JMJD1C: variants seen among roughly 807,000 people sequenced by gnomAD.
The protein encoded by JMJD1C is jumonji domain containing 1C, also known as jumonji domain-containing protein 1C.
In JMJD1C, 31 loss-of-function variants were observed where a neutral mutation model predicts 245.3. That is an observed-to-expected ratio of 0.13 (90% CI 0.09 to 0.17). The LOEUF (loss-of-function observed/expected upper bound fraction) is 0.17, where lower values mean the gene tolerates loss of function less well. JMJD1C is among the 10% of genes least tolerant of loss of function. The probability of loss-of-function intolerance (pLI) is 1.00; values close to 1 mark genes in which losing one functional copy is unlikely to be tolerated. For synonymous variants in JMJD1C, 1,057 were observed against 1,017.4 expected (o/e 1.04, Z -0.74); for missense variants, 2,691 against 3,000.2 (o/e 0.90, Z 2.41).
At chr10:63,302,815 A>G (rs1288898069) in intron 2 of JMJD1C, among the ~76,000 whole-genome samples, 1 of 152,258 alleles carries the variant, frequency 6.6e-6, no homozygotes, top group Non-Finnish European at 1.5e-5. Context: ...CTTAAAAAGT[A>G]GATTCAAGTC....
intron 1 of JMJD1C, among the ~76,000 whole-genome samples, chr10:63,475,720 C>T (rs568120158): frequency 1.5e-4 from 23 of 152,200 alleles, no homozygotes; most frequent in Non-Finnish European, 3.1e-4. Context: ...CCCACCACAA[C>T]AACACAAACT....
chr10:63,392,548 C>CG (rs1205103593), intron 1 of JMJD1C, among the ~76,000 whole-genome samples: 2 of 151,892 alleles, frequency 1.3e-5, no homozygotes, highest in African/African-American at 4.8e-5. Flanking sequence ...GGCAAAAGGC[C>CG]GGGCATGGTG....
At chr10:63,184,821 A>T (rs1260816267) in intron 20 of JMJD1C, 83 bp from the exon 21 acceptor site, 3 of 1,291,696 alleles carry the variant, frequency 2.3e-6, no homozygotes, top group African/African-American at 3.0e-5. Context: ...CAAGTTGTTC[A>T]AAACAGCAGA....
At chr10:63,222,292 G>C (rs1025658930) in intron 3 of JMJD1C, 1 of 1,232,706 alleles carries the variant, frequency 8.1e-7, no homozygotes, top group African/African-American at 1.5e-5. Flanking sequence ...GTGTTAAAAA[G>C]TTTATGATTA....
chr10:63,451,023 A>G (rs1329541343), intron 1 of JMJD1C, among the ~76,000 whole-genome samples: 2 of 152,202 alleles, frequency 1.3e-5, no homozygotes, highest in Admixed American at 6.5e-5. Context: ...TCAACAATGG[A>G]CAATCTGAAA....
At chr10:63,362,100 T>C (rs1945411484) in intron 2 of JMJD1C, among the ~76,000 whole-genome samples, 3 of 152,088 alleles carry the variant, frequency 2.0e-5, no homozygotes, top group Non-Finnish European at 2.9e-5. Context: ...CCGGGCATAG[T>C]GGCACATGTC....
At chr10:63,331,429 T>A (rs765054869) in intron 2 of JMJD1C, among the ~76,000 whole-genome samples, 2 of 152,228 alleles carry the variant, frequency 1.3e-5, no homozygotes. Flanking sequence ...TTCGCTTACA[T>A]GGTTTTTCAT....
intron 2 of JMJD1C, among the ~76,000 whole-genome samples, chr10:63,267,124 A>G (rs1589337622): frequency 6.6e-6 from 1 of 152,332 alleles, no homozygotes; most frequent in East Asian, 1.9e-4. Context: ...ATCATTTACA[A>G]GTGGAAGTCC....
chr10:63,310,208 T>A (rs999269733), intron 2 of JMJD1C, among the ~76,000 whole-genome samples: 1 of 152,136 alleles, frequency 6.6e-6, no homozygotes, highest in African/African-American at 2.4e-5. Context: ...ATGATTACAG[T>A]AAACAGACAT....
intron 1 of JMJD1C, among the ~76,000 whole-genome samples, chr10:63,483,264 T>G (rs890000072): frequency 5.3e-5 from 8 of 152,188 alleles, no homozygotes. Context: ...GTATGATAGA[T>G]TAAAACAATC....
intron 1 of JMJD1C, among the ~76,000 whole-genome samples, chr10:63,457,333 G>A (rs1429255985): frequency 2.0e-5 from 3 of 152,228 alleles, no homozygotes; most frequent in Admixed American, 1.3e-4. Flanking sequence ...AATGGCAGCT[G>A]GTTTCACATG....
rs114891690 is a variant in JMJD1C, at chr10:63,301,163, G to T, written c.334-36399C>A. Among the ~76,000 whole-genome samples the T allele has an allele frequency of 2.7e-3, 405 of 152,256 alleles. 3 individuals are homozygous for T. The highest frequency in any genetic ancestry group is 9.1e-3 in the African/African-American group (377 of 41,550). On this transcript the variant is annotated intron_variant, in intron 2 of 25. Coordinates refer to ENST00000399262, the MANE Select transcript of JMJD1C (RefSeq NM_032776.3). ...CCCCAGTAGCTGGGACTATAGGCAT[G>T]TACCATCACGCCTGGCTAATTTTTG...
At chr10:63,374,118 G>A (rs1946531924) in intron 2 of JMJD1C, among the ~76,000 whole-genome samples, 1 of 151,882 alleles carries the variant, frequency 6.6e-6, no homozygotes, top group South Asian at 2.1e-4. Flanking sequence ...TCAAACAACT[G>A]GCTAAGCAAA....
intron 1 of JMJD1C, among the ~76,000 whole-genome samples, chr10:63,432,137 C>G (rs1304112888): frequency 2.0e-5 from 3 of 152,206 alleles, no homozygotes; most frequent in African/African-American, 7.2e-5. Context: ...TGGAGATGAA[C>G]TTCTGGCAAA....
chr10:63,450,865 T>C (rs2133013652), intron 1 of JMJD1C, among the ~76,000 whole-genome samples: 1 of 151,898 alleles, frequency 6.6e-6, no homozygotes, highest in Admixed American at 6.6e-5. Context: ...AAATTACCTC[T>C]GTTCAAATGA....
In JMJD1C at chr10:63,208,286, G is replaced by A. The variant is rs745461131; in HGVS notation, c.3383C>T (p.Ala1128Val). ...CAGAGTTTGAGGATTAGCTGCTGCC[G>A]CTGCAAGGGCATTACTCTGTTTATC... ...YGDKQSNALAAAAANPQTLTS... is the reference protein window; with the variant it reads ...YGDKQSNALAVAAANPQTLTS... The change falls in exon 10 of 26, where the codon GCG (alanine) becomes GTG (valine). Residue 1128 changes from alanine to valine, a missense_variant. Physicochemically the swap from Ala to Val is moderately conservative, Grantham distance 64. This residue lies in a region of JMJD1C where 1,562 missense variants were observed against 1,490.7 expected (regional missense o/e 1.05). Transcript: ENST00000399262. 6.9e-5 allele frequency: 111 copies of A among 1,613,906 alleles called. 1 individual carries two copies. The highest frequency in any genetic ancestry group is 7.1e-5 in the Non-Finnish European group (84 of 1,179,990).
rs1945453225 is a variant in JMJD1C, at chr10:63,362,349, T to C, written c.333+17969A>G. Among the ~76,000 whole-genome samples the C allele has an allele frequency of 2.6e-5, 4 of 152,126 alleles. 1 individual carries two copies. In the South Asian group the frequency reaches 6.2e-4, roughly 24 times the overall value. On this transcript the variant is annotated intron_variant, in intron 2 of 25. Coordinates refer to ENST00000399262, the MANE Select transcript of JMJD1C (RefSeq NM_032776.3). ...TATTCATTATCTACTCAACAGCTAATAGTATCAGGTATTCAGCCTCTACTG... is the reference window on the plus strand; with the variant it reads ...TATTCATTATCTACTCAACAGCTAACAGTATCAGGTATTCAGCCTCTACTG...
intron 2 of JMJD1C, among the ~76,000 whole-genome samples, chr10:63,320,295 CATTT>C (rs777308291): frequency 6.7e-5 from 10 of 149,862 alleles, no homozygotes; most frequent in Non-Finnish European, 1.5e-4. Flanking sequence ...ATTTTTAATA[CATTT>C]ATTAGGATAA....
intron 24 of JMJD1C, among the ~76,000 whole-genome samples, chr10:63,173,293 T>A (rs939137952): frequency 6.6e-6 from 1 of 152,196 alleles, no homozygotes; most frequent in African/African-American, 2.4e-5. Context: ...TACCCAAATG[T>A]AGGACCTCAA....
Sources: allele counts gnomAD v4.1 joint callset (sites outside exome capture counted in the v4.1 genomes callset), GRCh38; gene constraint gnomAD v4.1.1; regional missense constraint gnomAD v4.1.1; transcripts MANE v1.5; gene names NCBI Gene and HGNC (gene_info 2026-07-23, HGNC 2026-07-21).